POLE: variants seen among roughly 807,000 people sequenced by gnomAD.
The protein encoded by POLE is DNA polymerase epsilon catalytic subunit A.
Under a neutral mutation model 279.2 loss-of-function variants are expected in POLE, and 188 were observed. That is an observed-to-expected ratio of 0.67 (90% CI 0.60 to 0.76). The LOEUF (loss-of-function observed/expected upper bound fraction) is 0.76. POLE is among the 30% of genes least tolerant of loss of function. POLE has a pLI of 0.00. For missense variants in POLE, 2,703 were observed against 3,016.7 expected (o/e 0.90, Z 2.44); for synonymous variants, 1,214 against 1,172.5 (o/e 1.04, Z -0.72).
intron 13 of POLE, 39 bp from the exon 14 acceptor site, chr12:132,673,316 C>A (rs1321159086): frequency 7.1e-7 from 1 of 1,413,060 alleles, no homozygotes; most frequent in South Asian, 1.2e-5. Flanking sequence ...CATCAAAAAT[C>A]AAGAGCCCAG....
intron 23 of POLE, among the ~76,000 whole-genome samples, chr12:132,663,773 A>C (rs1471412946): frequency 2.0e-5 from 3 of 152,362 alleles, no homozygotes; most frequent in African/African-American, 7.2e-5. Context: ...TAAGTTTAAA[A>C]TTATTTCAAA....
rs190799214 is a variant in POLE at position 132,645,529 on chromosome 12, T to C, written c.4150-1552A>G. Among the ~76,000 whole-genome samples the C allele has an allele frequency of 1.3e-4, 20 of 152,246 alleles. No individual in the cohort carries two copies. The East Asian group carries it at 2.5e-3, about 19-fold the overall frequency. On this transcript the variant is annotated intron_variant, in intron 32 of 48. Transcript: ENST00000320574. ...AGAGGCTCTGGAGGCTGAGCTGACA[T>C]TGGAAGCTTTGCACAAAGAGGCAAG...
chr12:132,652,015 G>A (rs533929474), intron 29 of POLE, among the ~76,000 whole-genome samples: 2 of 152,330 alleles, frequency 1.3e-5, no homozygotes, highest in African/African-American at 4.8e-5. Flanking sequence ...TCTTCAAAAT[G>A]TGACTCAGGC....
intron 1 of POLE, among the ~76,000 whole-genome samples, chr12:132,685,686 T>A (rs965864701): frequency 6.6e-6 from 1 of 152,088 alleles, no homozygotes; most frequent in African/African-American, 2.4e-5. Context: ...TCAGTAACCG[T>A]CTCTAAGCTC....
At position 132,635,930 on chromosome 12, in the gene POLE, T is replaced by C. The variant is rs2042022859; in HGVS notation, c.5773A>G (p.Ile1925Val). ...ATACGAGATGAAACTTTTCCTTTGATTCCGCCATAGTTAGATGGATCCATC... is the reference window on the plus strand; with the variant it reads ...ATACGAGATGAAACTTTTCCTTTGACTCCGCCATAGTTAGATGGATCCATC... ...LWMDPSNYGGIKGKVSSRIHC... is the reference protein window; with the variant it reads ...LWMDPSNYGGVKGKVSSRIHC... The change falls in exon 42 of 49, where the codon ATC (isoleucine) becomes GTC (valine). Residue 1925 changes from isoleucine (I) to valine (V), a missense_variant. Around this residue, in one of 5 missense-constraint regions of POLE, gnomAD observed 1,551 missense variants for 1,686.1 expected, o/e 0.92. Coordinates refer to ENST00000320574, the MANE Select transcript of POLE (RefSeq NM_006231.4). 1.9e-6 allele frequency: 3 copies of C among 1,613,830 alleles called. No individual in the cohort carries two copies. The highest frequency in any genetic ancestry group is 2.2e-5 in the East Asian group (1 of 44,864).
At position 132,625,705 on chromosome 12, in the gene POLE, G is replaced by A. The variant is rs147611144; in HGVS notation, c.6597C>T (p.Ile2199=). The A allele has an allele frequency of 2.1e-4, 341 of 1,613,690 alleles. 2 individuals carry two copies. The East Asian group carries it at 5.6e-3, about 27-fold the overall frequency. Residue 2199 remains isoleucine, a synonymous_variant, in exon 47 of 49, where the codon ATC becomes ATT. Transcript: ENST00000320574. ...NCQAPYDSSA[I]EMTLVEVLQK... ...GTAGAACTTCCACCAGCGTCATCTCGATGGCAGAGGAGTCGTAGGGCGCCT... is the reference window on the plus strand; with the variant it reads ...GTAGAACTTCCACCAGCGTCATCTCAATGGCAGAGGAGTCGTAGGGCGCCT...
In POLE at chr12:132,665,284, G is replaced by C. The variant is rs748559369; in HGVS notation, c.2468+18C>G. 6.2e-7 allele frequency: 1 copy of C among 1,608,772 alleles called. No individual in the cohort carries two copies. The highest frequency in any genetic ancestry group is 2.2e-5 in the East Asian group (1 of 44,644). On this transcript the variant is annotated intron_variant, in intron 21 of 48. Transcript: ENST00000320574. Reference sequence around the variant, plus strand: ...TCCATTCCTCCCATAAGCCTCTCCCGGGCCCGGGCCCACCTACCCCTTGCG... The same window carrying C: ...TCCATTCCTCCCATAAGCCTCTCCCCGGCCCGGGCCCACCTACCCCTTGCG...
At chr12:132,628,397 C>T (rs1211040736) in intron 45 of POLE, among the ~76,000 whole-genome samples, 1 of 152,010 alleles carries the variant, frequency 6.6e-6, no homozygotes, top group East Asian at 1.9e-4. Context: ...AATCCCAGCA[C>T]TTTGGGAGGC....
At position 132,624,440 on chromosome 12, in the gene POLE, G is replaced by A. The variant is rs1253808554; in HGVS notation, c.*257C>T. 1.1e-5 allele frequency: 6 copies of A among 561,710 alleles called. No homozygotes were observed. The highest frequency in any genetic ancestry group is 1.9e-5 in the Non-Finnish European group (6 of 313,236). The allele number at this position is 561,710 out of a possible 1,614,324, so 34.8% of individuals were successfully genotyped here. A position where few individuals can be genotyped will look rare whatever the true frequency, so the allele number is the denominator to read the frequency against. Reference sequence around the variant, plus strand: ...CACTGCGTGAGAAACGGCGCCCAGGGCACTCGCAGCCTCGCTCACGGCCTG... The same window carrying A: ...CACTGCGTGAGAAACGGCGCCCAGGACACTCGCAGCCTCGCTCACGGCCTG... On this transcript the variant is annotated 3_prime_UTR_variant, in exon 49 of 49. Transcript: ENST00000320574.
At position 132,639,118 on chromosome 12, in the gene POLE, C is replaced by T. The variant is rs2138508072; in HGVS notation, c.5552+7G>A. The T allele has an allele frequency of 6.2e-7, 1 of 1,613,426 alleles. No homozygotes were observed. The highest frequency in any genetic ancestry group is 8.5e-7 in the Non-Finnish European group (1 of 1,179,420). On this transcript the variant is annotated splice_region_variant and intron_variant, in intron 40 of 48. Transcript: ENST00000320574. This position sits in a 1 kb window ranked among gnomAD's most constrained non-coding sequence, Gnocchi z 4.7. ...CGGTGGACAGCCCAGGGAGGAGGAG[C>T]ACTCACTGCAGGAAGAGCTTCTTCA... is the stretch of plus-strand genomic sequence containing the variant.
intron 16 of POLE, among the ~76,000 whole-genome samples, chr12:132,670,593 C>T (rs1393507325): frequency 6.6e-6 from 1 of 150,928 alleles, no homozygotes; most frequent in Non-Finnish European, 1.5e-5. Flanking sequence ...CGGGTTCTTG[C>T]TATTCTCCTG....
intron 29 of POLE, 23 bp from the exon 30 acceptor site, chr12:132,649,912 T>C (rs56367449): frequency 6.2e-7 from 1 of 1,606,820 alleles, no homozygotes; most frequent in Non-Finnish European, 8.5e-7. Context: ...AGTGAAGCCT[T>C]AAATCTCAGG....
At chr12:132,672,429 C>A in intron 15 of POLE, 107 bp from the exon 16 acceptor site, 1 of 1,139,836 alleles carries the variant, frequency 8.8e-7, no homozygotes, top group Non-Finnish European at 1.3e-6. Context: ...CGAGAAAGCT[C>A]CGGAAGGACT....
Position 132,673,723 on chromosome 12 carries a change from G to A in POLE, c.1227-16C>T, listed in dbSNP as rs2136001152. On this transcript the variant is annotated splice_polypyrimidine_tract_variant and intron_variant, in intron 12 of 48. Transcript: ENST00000320574. ...CTTCACCCACCTGGAAGGAGAATGA[G>A]AACAGAAGCCAGGATGATTCTAACA... is the stretch of plus-strand genomic sequence containing the variant. 1 of 1,612,840 alleles carries A rather than the reference G, an allele frequency of 6.2e-7. No homozygotes were observed. Among genetic ancestry groups the A allele is most frequent in the East Asian group, 2.2e-5 (1 of 44,882 alleles).
intron 47 of POLE, 146 bp from the exon 48 acceptor site, chr12:132,625,140 G>A (rs925800397): frequency 2.9e-5 from 20 of 692,880 alleles, no homozygotes; most frequent in Non-Finnish European, 4.7e-5. Flanking sequence ...TCGGTTATGA[G>A]TAAAATGCAC....
chr12:132,681,983 G>C (rs1008119363), intron 1 of POLE, among the ~76,000 whole-genome samples: 3 of 152,142 alleles, frequency 2.0e-5, no homozygotes, highest in African/African-American at 7.2e-5. Context: ...TCAGGAGTTT[G>C]AGACCAGCCT....
chr12:132,667,708 A>G (rs1487168364), intron 19 of POLE, 60 bp from the exon 20 acceptor site: 1 of 1,571,582 alleles, frequency 6.4e-7, no homozygotes, highest in East Asian at 2.2e-5. Context: ...AGAGGGAGCC[A>G]GGGCACAGGG....
In POLE at chr12:132,641,926, GCCA is replaced by G. The variant is rs1178297984; in HGVS notation, c.5174-78_5174-76del. 38 of 1,399,282 alleles carry G rather than the reference GCCA, an allele frequency of 2.7e-5. No individual in the cohort carries two copies. In the East Asian group the frequency reaches 7.8e-4, roughly 29 times the overall value. The allele number at this position is 1,399,282 out of a possible 1,614,324, so 86.7% of individuals were successfully genotyped here. A position where few individuals can be genotyped will look rare whatever the true frequency, so the allele number is the denominator to read the frequency against. On this transcript the variant is annotated intron_variant, in intron 38 of 48. Transcript: ENST00000320574. ...CACCAGCCCCCTGGGCCTGACTCCA[GCCA>G]CCACCACCTCCAGAACCAGCAACAG...
Position 132,663,885 on chromosome 12 carries a change from A to G in POLE, c.2706+119T>C, listed in dbSNP as rs189798420. The G allele has an allele frequency of 8.3e-5, 83 of 996,070 alleles. No homozygotes were observed. The East Asian group carries it at 1.8e-3, about 22-fold the overall frequency. 61.7% of individuals were successfully genotyped at this position (996,070 alleles called of 1,614,324 possible). A position where few individuals can be genotyped will look rare whatever the true frequency, so the allele number is the denominator to read the frequency against. On this transcript the variant is annotated intron_variant, in intron 23 of 48. Transcript: ENST00000320574. ...ATGGTCTTCAGGCTATAGAAAAGCA[A>G]TGTGAGCAGTGCTGGGTGCCAGGAA...
Sources: allele counts gnomAD v4.1 joint callset (sites outside exome capture counted in the v4.1 genomes callset), GRCh38; gene constraint gnomAD v4.1.1; regional missense constraint gnomAD v4.1.1; non-coding constraint Gnocchi (gnomAD v3.1); transcripts MANE v1.5; gene names NCBI Gene and HGNC (gene_info 2026-07-23, HGNC 2026-07-21).